The following PHF14 variants were observed in gnomAD, a reference collection of about 807,000 sequenced individuals.
PHF14 encodes PHD finger protein 14.
Under a neutral mutation model 117.9 loss-of-function variants are expected in PHF14, and 55 were observed. The observed-to-expected ratio is 0.47, with a 90% CI of 0.38 to 0.58. PHF14 has a LOEUF of 0.58. Ranked by LOEUF, PHF14 falls within the 20% of genes least tolerant of loss-of-function variation. The probability of loss-of-function intolerance (pLI) is 0.00; values close to 1 mark genes in which losing one functional copy is unlikely to be tolerated. For synonymous variants in PHF14, 409 were observed against 368.6 expected (o/e 1.11, Z -1.26); for missense variants, 978 against 1,122.2 (o/e 0.87, Z 1.84).
intron 16 of PHF14, among the ~76,000 whole-genome samples, chr7:11,080,535 A>C (rs1234765601): frequency 6.6e-6 from 1 of 152,132 alleles, no homozygotes; most frequent in Admixed American, 6.6e-5. Context: ...GGAACTCTGC[A>C]GGTATAGATT....
intron 17 of PHF14, among the ~76,000 whole-genome samples, chr7:11,151,610 A>G (rs943904496): frequency 6.6e-6 from 1 of 152,040 alleles, no homozygotes; most frequent in African/African-American, 2.4e-5. Context: ...TAACTGTAGC[A>G]TTGTGTCAGA....
chr7:11,143,890 A>G (rs1174169149), intron 17 of PHF14, among the ~76,000 whole-genome samples: 1 of 152,158 alleles, frequency 6.6e-6, no homozygotes, highest in Non-Finnish European at 1.5e-5. Context: ...ATATCAAACT[A>G]AAAAGCTTCT....
intron 16 of PHF14, among the ~76,000 whole-genome samples, chr7:11,100,429 T>C (rs1787045899): frequency 6.6e-6 from 1 of 152,006 alleles, no homozygotes; most frequent in South Asian, 2.1e-4. Context: ...ATCTCCATTT[T>C]AGAAGAGAGG....
intron 14 of PHF14, among the ~76,000 whole-genome samples, chr7:11,060,477 A>C (rs1785184235): frequency 6.6e-6 from 1 of 152,168 alleles, no homozygotes; most frequent in East Asian, 1.9e-4. Flanking sequence ...AGTGTTGTTA[A>C]GGACCTTTCT....
chr7:11,135,085 C>T (rs532700444), intron 17 of PHF14, among the ~76,000 whole-genome samples: 1 of 152,192 alleles, frequency 6.6e-6, no homozygotes, highest in Admixed American at 6.5e-5. Context: ...AAGTTAGTTT[C>T]TTAGATGTAC....
At chr7:11,106,939 A>G (rs553008643) in intron 16 of PHF14, 7 of 984,070 alleles carry the variant, frequency 7.1e-6, no homozygotes, top group Non-Finnish European at 8.4e-6. Context: ...AGATAATGTG[A>G]TTATCACAAT....
intron 14 of PHF14, among the ~76,000 whole-genome samples, chr7:11,059,879 TA>T (rs1357499083): frequency 6.6e-6 from 1 of 152,206 alleles, no homozygotes; most frequent in African/African-American, 2.4e-5. Flanking sequence ...TATTTTATTT[TA>T]TTTTTTTGAG....
At chr7:11,119,208 A>C (rs1020501708) in intron 17 of PHF14, among the ~76,000 whole-genome samples, 10 of 151,824 alleles carry the variant, frequency 6.6e-5, no homozygotes, top group African/African-American at 2.2e-4. Context: ...CAAACCTCAT[A>C]CTGTCCTGTA....
chr7:11,004,633 A>T (rs1378299863), intron 4 of PHF14, among the ~76,000 whole-genome samples: 3 of 151,678 alleles, frequency 2.0e-5, no homozygotes, highest in African/African-American at 7.3e-5. Context: ...AATATCTCTC[A>T]GTCTGGATAT....
Position 11,087,377 on chromosome 7 carries a change from A to G in PHF14, c.2655-23973A>G, listed in dbSNP as rs139497183. Among the ~76,000 whole-genome samples the G allele has an allele frequency of 1.4e-4, 22 of 152,224 alleles. No individual in the cohort carries two copies. In the East Asian group the frequency reaches 4.1e-3, roughly 28 times the overall value. Reference sequence around the variant, plus strand: ...CAGCTAATTTTTATATTTTTAGTAGAGACGGGGTATCACCATGTTGGCCAT... The same window carrying G: ...CAGCTAATTTTTATATTTTTAGTAGGGACGGGGTATCACCATGTTGGCCAT... On this transcript the variant is annotated intron_variant, in intron 16 of 17. Coordinates refer to ENST00000634607, the MANE Select transcript of PHF14 (RefSeq NM_001007157.2).
intron 17 of PHF14, among the ~76,000 whole-genome samples, chr7:11,148,094 A>G (rs1788602510): frequency 6.6e-6 from 1 of 152,172 alleles, no homozygotes; most frequent in Admixed American, 6.5e-5. Context: ...TGACTACATT[A>G]CAGTACTCCA....
intron 16 of PHF14, among the ~76,000 whole-genome samples, chr7:11,095,583 G>T (rs1017350992): frequency 1.3e-5 from 2 of 152,042 alleles, no homozygotes; most frequent in Non-Finnish European, 1.5e-5. Flanking sequence ...TGGGTTTCCT[G>T]GGAGAATCAA....
intron 17 of PHF14, among the ~76,000 whole-genome samples, chr7:11,125,630 T>C (rs555105051): frequency 6.6e-6 from 1 of 152,160 alleles, no homozygotes; most frequent in East Asian, 1.9e-4. Context: ...TATGTAACTG[T>C]TTTTATTCTA....
intron 16 of PHF14, among the ~76,000 whole-genome samples, chr7:11,086,748 A>G (rs1015514873): frequency 6.6e-6 from 1 of 152,142 alleles, no homozygotes; most frequent in African/African-American, 2.4e-5. Context: ...AAACATTGAA[A>G]TTTTGGTTAG....
At chr7:11,032,145 G>C (rs1784142473) in intron 7 of PHF14, among the ~76,000 whole-genome samples, 1 of 152,116 alleles carries the variant, frequency 6.6e-6, no homozygotes, top group African/African-American at 2.4e-5. Flanking sequence ...TGTGCCTATA[G>C]TCCTAACTGC....
intron 17 of PHF14, among the ~76,000 whole-genome samples, chr7:11,145,150 C>G (rs913904680): frequency 6.6e-6 from 1 of 151,762 alleles, no homozygotes. Context: ...AAAAAACCCT[C>G]GGGAGGGGTT....
chr7:11,167,842 A>G lies in PHF14; in HGVS notation c.2773-1574A>G, dbSNP rs191829435. 2.7e-4 allele frequency among the ~76,000 whole-genome samples: 41 copies of G among 152,280 alleles called. 1 individual carries two copies. Among genetic ancestry groups the G allele is most frequent in the African/African-American group, 9.9e-4 (41 of 41,572 alleles). ...CAGGAGATCGAGACCATCCTGGCTA[A>G]CACGGTGAAACCCCGTCTCTACTAA... On this transcript the variant is annotated intron_variant, in intron 17 of 17. Coordinates refer to ENST00000634607, the MANE Select transcript of PHF14 (RefSeq NM_001007157.2).
intron 4 of PHF14, among the ~76,000 whole-genome samples, chr7:11,007,251 T>C (rs1469273090): frequency 6.6e-6 from 1 of 152,174 alleles, no homozygotes; most frequent in Admixed American, 6.5e-5. Flanking sequence ...TTTTTCTCAT[T>C]GACTTATTGG....
At chr7:11,083,991 A>T (rs1298215792) in intron 16 of PHF14, among the ~76,000 whole-genome samples, 2 of 152,214 alleles carry the variant, frequency 1.3e-5, no homozygotes, top group Non-Finnish European at 2.9e-5. Flanking sequence ...CTTTATCTGA[A>T]ACAGCACAAT....
Sources: gnomAD v4.1 joint callset for allele counts (sites outside exome capture counted in the v4.1 genomes callset) on GRCh38, gnomAD v4.1.1 for gene constraint, MANE v1.5 for transcripts, NCBI Gene and HGNC (gene_info 2026-07-23, HGNC 2026-07-21) for gene names.